RBM33: variants seen among roughly 807,000 people sequenced by gnomAD.
RBM33 encodes RNA-binding protein 33.
A neutral mutation model predicts 132.6 loss-of-function variants in RBM33; 28 were observed. The observed-to-expected ratio is 0.21, with a 90% CI of 0.16 to 0.29. The LOEUF (loss-of-function observed/expected upper bound fraction) is 0.29, where lower values mean the gene tolerates loss of function less well. Among genes scored for constraint, RBM33 ranks in the 10% least tolerant of loss-of-function variants. The probability of loss-of-function intolerance (pLI) is 1.00; values close to 1 mark genes in which losing one functional copy is unlikely to be tolerated. For missense variants in RBM33, 1,291 were observed against 1,518.5 expected (o/e 0.85, Z 2.49); for synonymous variants, 634 against 593.0 (o/e 1.07, Z -1.01).
At chr7:155,730,666 C>T (rs1800930264) in intron 9 of RBM33, among the ~76,000 whole-genome samples, 1 of 152,172 alleles carries the variant, frequency 6.6e-6, no homozygotes, top group African/African-American at 2.4e-5. Context: ...CCTACAGGAT[C>T]ACTGTAAGTT....
intron 8 of RBM33, among the ~76,000 whole-genome samples, chr7:155,717,646 G>C (rs1031816238): frequency 6.6e-6 from 1 of 152,154 alleles, no homozygotes; most frequent in African/African-American, 2.4e-5. Flanking sequence ...GCTGCACTTA[G>C]ATTGTGAGTT....
rs181834517 is a variant in RBM33, at chr7:155,694,158, A to G, written c.568-6615A>G. Among the ~76,000 whole-genome samples, 259 of 152,326 alleles carry G rather than the reference A, an allele frequency of 1.7e-3. 1 individual carries two copies. The highest frequency in any genetic ancestry group is 1.7e-3 in the Non-Finnish European group (115 of 68,038). On this transcript the variant is annotated intron_variant, in intron 5 of 17. Transcript: ENST00000401878. ...TAGAATCTTAATTATAGAACTTAAAAGCAATTAATTAATTTTAATTGAAAA... is the reference window on the plus strand; with the variant it reads ...TAGAATCTTAATTATAGAACTTAAAGGCAATTAATTAATTTTAATTGAAAA...
intron 1 of RBM33, among the ~76,000 whole-genome samples, chr7:155,659,148 A>G (rs1798572872): frequency 6.6e-6 from 1 of 152,198 alleles, no homozygotes; most frequent in African/African-American, 2.4e-5. Context: ...GAGTTACTAC[A>G]TTGCAATGTA....
chr7:155,721,423 A>AT (rs1386466863), intron 9 of RBM33, among the ~76,000 whole-genome samples: 3 of 152,150 alleles, frequency 2.0e-5, no homozygotes, highest in East Asian at 1.9e-4. Context: ...TAATTTTTAT[A>AT]TTTTTTACTT....
chr7:155,763,816 G>C lies in RBM33; in HGVS notation c.2984G>C (p.Gly995Ala). 1 of 1,609,526 alleles carries C rather than the reference G, an allele frequency of 6.2e-7. No homozygotes were observed. Among genetic ancestry groups the C allele is most frequent in the Non-Finnish European group, 8.5e-7 (1 of 1,177,978 alleles). ...CTGCCTTCTTGGTTTCAGCAGGGAG[G>C]AGAGAGCGATGGCTTTTTTCACCCA... ...VRVIKLSGGGGESDGFFHPEG... is the reference protein window; with the variant it reads ...VRVIKLSGGGAESDGFFHPEG... The change falls in exon 15 of 18, where the codon GGA becomes GCA. Residue 995 changes from glycine to alanine, a missense_variant. Gly to Ala is a moderately conservative substitution (Grantham distance 60). Coordinates refer to ENST00000401878, the MANE Select transcript of RBM33 (RefSeq NM_053043.3).
chr7:155,738,543 T>G (rs1194732164), intron 11 of RBM33, 140 bp downstream of exon 11: 7 of 848,122 alleles, frequency 8.3e-6, no homozygotes, highest in African/African-American at 1.7e-5. Context: ...ATGTACTGTT[T>G]GTTAAAGACA....
At chr7:155,711,536 G>A (rs559130307) in intron 8 of RBM33, 81 bp downstream of exon 8, 68 of 891,778 alleles carry the variant, frequency 7.6e-5, no homozygotes, top group African/African-American at 1.1e-4. Context: ...CCACTGACGC[G>A]TTTTTGACTT....
intron 6 of RBM33, among the ~76,000 whole-genome samples, chr7:155,705,734 G>A (rs192722723): frequency 5.3e-5 from 8 of 152,290 alleles, no homozygotes; most frequent in Admixed American, 2.6e-4. Context: ...AATCATTTTC[G>A]TTTCCCTTTA....
At chr7:155,704,500 C>A (rs1337441996) in intron 6 of RBM33, among the ~76,000 whole-genome samples, 1 of 152,152 alleles carries the variant, frequency 6.6e-6, no homozygotes. Context: ...GTGAAAATGC[C>A]AGTCGCCATT....
chr7:155,775,167 C>G lies in RBM33; in HGVS notation c.*126C>G, dbSNP rs765301616. The G allele has an allele frequency of 5.9e-6, 5 of 848,980 alleles. No homozygotes were observed. The highest frequency in any genetic ancestry group is 1.7e-5 in the African/African-American group (1 of 60,042). The allele number at this position is 848,980 out of a possible 1,614,324, so 52.6% of individuals were successfully genotyped here. The stretch of plus-strand genomic sequence containing the variant: ...CGGGCCGCTGTCCTGCGTAACTGTT[C>G]TCCAGAGCGCCAGCCAGCCACGGGC... On this transcript the variant is annotated 3_prime_UTR_variant, in exon 18 of 18. Transcript: ENST00000401878.
chr7:155,774,864 A>G lies in RBM33; in HGVS notation c.3465-129A>G. 1.2e-6 allele frequency: 1 copy of G among 848,692 alleles called. No individual in the cohort carries two copies. 52.6% of individuals were successfully genotyped at this position (848,692 alleles called of 1,614,324 possible). ...TGTGTTTTAATAGATCTTCCCGGGG[A>G]ATCTGCCTTTTTATATGATGCGTTT... On this transcript the variant is annotated intron_variant, in intron 17 of 17. Coordinates refer to ENST00000401878, the MANE Select transcript of RBM33 (RefSeq NM_053043.3). The surrounding 1 kb of genome is among the most constrained non-coding windows in gnomAD (Gnocchi z 4.2).
chr7:155,684,221 C>T (rs1200174318), intron 5 of RBM33, among the ~76,000 whole-genome samples: 1 of 152,286 alleles, frequency 6.6e-6, no homozygotes, highest in East Asian at 1.9e-4. Flanking sequence ...AGGTTGTCTG[C>T]TTTGGAACCA....
At chr7:155,692,630 C>T (rs533420007) in intron 5 of RBM33, among the ~76,000 whole-genome samples, 11 of 152,304 alleles carry the variant, frequency 7.2e-5, no homozygotes, top group African/African-American at 2.6e-4. Context: ...GCTAGTGATA[C>T]AGATAACATT....
In RBM33 at chr7:155,673,560, A is replaced by ACG. The variant is rs770695077; in HGVS notation, c.171+646_171+647insGC. ...TATACATACACACGTGTATATATATACACACATATACATACACACGTGTAT... is the reference window on the plus strand; with the variant it reads ...TATACATACACACGTGTATATATATACGCACACATATACATACACACGTGTAT... On this transcript the variant is annotated intron_variant, in intron 3 of 17. Coordinates refer to ENST00000401878, the MANE Select transcript of RBM33 (RefSeq NM_053043.3). Among the ~76,000 whole-genome samples the ACG allele has an allele frequency of 2.1e-4, 18 of 85,284 alleles. 1 individual carries two copies. The highest frequency in any genetic ancestry group is 4.1e-4 in the Admixed American group (4 of 9,642). 55.9% of individuals were successfully genotyped at this position (85,284 alleles called of 152,430 possible).
At chr7:155,652,813 A>AT (rs547459155) in intron 1 of RBM33, among the ~76,000 whole-genome samples, 132 of 152,142 alleles carry the variant, frequency 8.7e-4, no homozygotes, top group Non-Finnish European at 1.5e-3. Context: ...ATGGGGACAC[A>AT]TTTTTTCTTC....
chr7:155,687,295 T>C (rs1473986294), intron 5 of RBM33, among the ~76,000 whole-genome samples: 1 of 152,262 alleles, frequency 6.6e-6, no homozygotes, highest in Admixed American at 6.5e-5. Flanking sequence ...GAAGTGTTTG[T>C]TCATATCCTT....
intron 13 of RBM33, 52 bp from the exon 14 acceptor site, chr7:155,744,909 A>G (rs1289974809): frequency 1.6e-5 from 24 of 1,479,500 alleles, no homozygotes; most frequent in Admixed American, 2.4e-5. Flanking sequence ...GAAATAGACT[A>G]TGGGCACCTT....
At chr7:155,768,435 G>C (rs1230734953) in intron 16 of RBM33, among the ~76,000 whole-genome samples, 1 of 152,160 alleles carries the variant, frequency 6.6e-6, no homozygotes, top group East Asian at 1.9e-4. Context: ...GGGATTACAG[G>C]CGTGAGCCAC....
chr7:155,684,974 G>T (rs1251589973), intron 5 of RBM33: 4 of 1,550,490 alleles, frequency 2.6e-6, no homozygotes, highest in Middle Eastern at 1.7e-4. Context: ...AACAAGGGCT[G>T]CAAGAGCAGG....
Sources: gnomAD v4.1 joint callset for allele counts (sites outside exome capture counted in the v4.1 genomes callset) on GRCh38, gnomAD v4.1.1 for gene constraint, Gnocchi (gnomAD v3.1) non-coding constraint, MANE v1.5 for transcripts, NCBI Gene and HGNC (gene_info 2026-07-23, HGNC 2026-07-21) for gene names.